EYS: variants seen among roughly 807,000 people sequenced by gnomAD.
EYS encodes protein eyes shut homolog.
In EYS, 250 loss-of-function variants were observed where a neutral mutation model predicts 282.1. The ratio of observed to expected loss-of-function variants is 0.89; its 90% CI spans 0.80 to 0.98. The LOEUF (loss-of-function observed/expected upper bound fraction) is 0.98. EYS is among the 50% of genes least tolerant of loss of function. The pLI, the probability that EYS is intolerant of heterozygous loss-of-function variation, is 0.00. For synonymous variants in EYS, 1,355 were observed against 1,282.9 expected, an observed-to-expected ratio of 1.06 and a Z score of -1.20; for missense variants, 4,016 against 3,709.0, an observed-to-expected ratio of 1.08 and a Z score of -2.15.
intron 35 of EYS, among the ~76,000 whole-genome samples, chr6:63,893,718 C>CAAT (rs1773465384): frequency 6.6e-6 from 1 of 151,696 alleles, no homozygotes; most frequent in Non-Finnish European, 1.5e-5. Flanking sequence ...ACTTAAAGTC[C>CAAT]AATAATAATA....
intron 31 of EYS, among the ~76,000 whole-genome samples, chr6:64,099,663 A>C (rs975559094): frequency 1.3e-5 from 2 of 152,168 alleles, no homozygotes; most frequent in Admixed American, 6.5e-5. Context: ...AGCATGGAGG[A>C]TAAATCTCAT....
intron 31 of EYS, among the ~76,000 whole-genome samples, chr6:64,106,069 A>T (rs572574866): frequency 6.6e-6 from 1 of 152,222 alleles, no homozygotes; most frequent in South Asian, 2.1e-4. Context: ...ATATAATTGG[A>T]TTAATAGCTA....
intron 31 of EYS, among the ~76,000 whole-genome samples, chr6:64,109,657 A>G (rs558045246): frequency 6.6e-6 from 1 of 152,276 alleles, no homozygotes; most frequent in South Asian, 2.1e-4. Context: ...GAACTTGGAC[A>G]GATGAAGGTC....
intron 30 of EYS, among the ~76,000 whole-genome samples, chr6:64,273,320 C>T (rs56396258): frequency 0.051 from 7,799 of 152,146 alleles, 643 homozygotes; most frequent in African/African-American, 0.18. Flanking sequence ...ATTTTCTGAT[C>T]GACTTCTTTA....
At chr6:64,744,448 G>T (rs775945005) in intron 22 of EYS, among the ~76,000 whole-genome samples, 5 of 152,090 alleles carry the variant, frequency 3.3e-5, no homozygotes, top group African/African-American at 4.8e-5. Flanking sequence ...GGTTATTCTA[G>T]ACATTTTCTA....
intron 11 of EYS, chr6:65,329,744 A>T (rs1562099370): frequency 1.0e-6 from 1 of 974,366 alleles, no homozygotes; most frequent in South Asian, 4.7e-5. Flanking sequence ...AATAATTATT[A>T]GACTTTTGGG....
intron 18 of EYS, among the ~76,000 whole-genome samples, chr6:64,891,499 C>T (rs1274516164): frequency 1.3e-5 from 2 of 151,942 alleles, no homozygotes; most frequent in African/African-American, 2.4e-5. Flanking sequence ...CCCTTCAAAA[C>T]GTTAAAAAAA....
At chr6:64,955,685 G>T (rs991118129) in intron 14 of EYS, among the ~76,000 whole-genome samples, 3 of 152,144 alleles carry the variant, frequency 2.0e-5, no homozygotes, top group Non-Finnish European at 4.4e-5. Flanking sequence ...AGGCATTCTT[G>T]GGTAATAACT....
chr6:65,620,791 T>C (rs1486609476), intron 2 of EYS, among the ~76,000 whole-genome samples: 1 of 152,108 alleles, frequency 6.6e-6, no homozygotes, highest in Non-Finnish European at 1.5e-5. Flanking sequence ...TCTTTATTTC[T>C]GCCTTCATTT....
intron 14 of EYS, among the ~76,000 whole-genome samples, chr6:64,986,513 T>TTA (rs373684376): frequency 0.59 from 88,172 of 150,148 alleles, 28,023 homozygotes; most frequent in African/African-American, 0.85. Context: ...TTTTTTTTTT[T>TTA]CTAATACTTC....
At chr6:64,479,031 T>C (rs139763216) in intron 26 of EYS, among the ~76,000 whole-genome samples, 1 of 152,078 alleles carries the variant, frequency 6.6e-6, no homozygotes, top group East Asian at 1.9e-4. Context: ...ATGTCATATA[T>C]TGTGTAGAGA....
intron 11 of EYS, among the ~76,000 whole-genome samples, chr6:65,299,644 T>C (rs1768761808): frequency 6.6e-6 from 1 of 152,194 alleles, no homozygotes; most frequent in Non-Finnish European, 1.5e-5. Context: ...ATATTTCTTA[T>C]AGAATAACTA....
intron 30 of EYS, among the ~76,000 whole-genome samples, chr6:64,292,033 A>G (rs1768734564): frequency 6.6e-6 from 1 of 152,134 alleles, no homozygotes; most frequent in Non-Finnish European, 1.5e-5. Flanking sequence ...TTTATTGGTA[A>G]GGAAACTGAA....
chr6:64,810,673 C>G (rs1764565947), intron 22 of EYS, among the ~76,000 whole-genome samples: 1 of 152,022 alleles, frequency 6.6e-6, no homozygotes, highest in African/African-American at 2.4e-5. Flanking sequence ...ATGGAATATT[C>G]TGCAGGTCAT....
rs774506293 is a variant in EYS at position 64,590,794 on chromosome 6, T to C, written c.5073A>G (p.Glu1691=). 3.9e-6 allele frequency: 6 copies of C among 1,547,964 alleles called. No homozygotes were observed. Among genetic ancestry groups the C allele is most frequent in the South Asian group, 1.2e-5 (1 of 83,968 alleles). ...TTAAAATGTTTTCTGATACTGACAG[T>C]TCATCAGTAGTCATTTTTGAAGTCA... ...SDLTSKMTTD[E]LSVSENILKL... Residue 1691 remains glutamate (E), a synonymous_variant, in exon 26 of 43, where the codon GAA becomes GAG. Transcript: ENST00000503581.
At chr6:63,907,974 G>T (rs1773816582) in intron 35 of EYS, among the ~76,000 whole-genome samples, 1 of 145,780 alleles carries the variant, frequency 6.9e-6, no homozygotes, top group Admixed American at 6.8e-5. Context: ...GAATAGTATT[G>T]ACTGTATATA....
intron 26 of EYS, among the ~76,000 whole-genome samples, chr6:64,561,522 A>T (rs930108510): frequency 1.3e-5 from 2 of 152,138 alleles, no homozygotes; most frequent in South Asian, 2.1e-4. Flanking sequence ...GCATTCCTGT[A>T]CACCAACAAC....
chr6:64,494,877 T>C (rs1052645448), intron 26 of EYS, among the ~76,000 whole-genome samples: 2 of 151,712 alleles, frequency 1.3e-5, no homozygotes, highest in Non-Finnish European at 3.0e-5. Context: ...TAGGTAAATG[T>C]GTAAATATCT....
At chr6:64,642,434 T>A (rs1158269559) in intron 22 of EYS, among the ~76,000 whole-genome samples, 2 of 152,222 alleles carry the variant, frequency 1.3e-5, no homozygotes, top group Non-Finnish European at 2.9e-5. Flanking sequence ...CATATTTTCC[T>A]ATACTTACAA....
Sources: gnomAD v4.1 joint callset for allele counts (sites outside exome capture counted in the v4.1 genomes callset) on GRCh38, gnomAD v4.1.1 for gene constraint, MANE v1.5 for transcripts, NCBI Gene and HGNC (gene_info 2026-07-23, HGNC 2026-07-21) for gene names.